The following SYT9 variants were observed in gnomAD, a reference collection of about 807,000 sequenced individuals.
The protein encoded by SYT9 is synaptotagmin 9.
In SYT9, 22 loss-of-function variants were observed where a neutral mutation model predicts 48.4. The ratio of observed to expected loss-of-function variants is 0.45; its 90% CI spans 0.32 to 0.65. SYT9 has a LOEUF of 0.65. SYT9 is among the 30% of genes least tolerant of loss of function. SYT9 has a pLI of 0.03. For synonymous variants in SYT9, 265 were observed against 245.0 expected (o/e 1.08, Z -0.76); for missense variants, 577 against 622.0 (o/e 0.93, Z 0.77).
At chr11:7,275,315 C>A (rs1241342291) in intron 1 of SYT9, among the ~76,000 whole-genome samples, 1 of 152,166 alleles carries the variant, frequency 6.6e-6, no homozygotes, top group African/African-American at 2.4e-5. Context: ...CCACCTTAGT[C>A]CAATTCCCAC....
chr11:7,332,927 G>A (rs1029063017), intron 3 of SYT9, among the ~76,000 whole-genome samples: 1 of 152,180 alleles, frequency 6.6e-6, no homozygotes, highest in Non-Finnish European at 1.5e-5. Flanking sequence ...ACATTTAATG[G>A]TCTTCTACCT....
chr11:7,256,335 C>T (rs1450763213), intron 1 of SYT9, among the ~76,000 whole-genome samples: 2 of 152,156 alleles, frequency 1.3e-5, no homozygotes, highest in African/African-American at 2.4e-5. Context: ...AATTGGAGAT[C>T]TCAGTTATGT....
At chr11:7,466,766 TA>T in intron 6 of SYT9, 25 bp from the exon 7 acceptor site, 3 of 1,608,154 alleles carry the variant, frequency 1.9e-6, no homozygotes, top group Non-Finnish European at 2.5e-6. Context: ...AAAGCCAAAT[TA>T]TTTTTTTGTT....
At position 7,303,185 on chromosome 11, in the gene SYT9, C is replaced by G; in HGVS notation, c.292C>G (p.Pro98Ala). Residue 98 changes from proline to alanine, a missense_variant, in exon 2 of 7, where the codon CCC becomes GCC. Pro to Ala is a conservative substitution (Grantham distance 27). Transcript: ENST00000318881. ...TGGTAGCAAAGACAACAACCAGGAG[C>G]CCCTTAACTACATGGACACAGAGAC... ...PSGSKDNNQE[P>A]LNYMDTETNE... 6.2e-7 allele frequency: 1 copy of G among 1,614,140 alleles called. No homozygotes were observed. The highest frequency in any genetic ancestry group is 1.6e-4 in the Middle Eastern group (1 of 6,062).
chr11:7,402,689 T>G (rs1376805758), intron 3 of SYT9, among the ~76,000 whole-genome samples: 1 of 152,192 alleles, frequency 6.6e-6, no homozygotes, highest in Non-Finnish European at 1.5e-5. Context: ...AATTTGTTTT[T>G]TATCCTTTAA....
At chr11:7,307,077 G>T (rs542426736) in intron 2 of SYT9, among the ~76,000 whole-genome samples, 2 of 152,322 alleles carry the variant, frequency 1.3e-5, no homozygotes, top group East Asian at 1.9e-4. Flanking sequence ...AAGGCCATTT[G>T]TCCCAGGTCT....
chr11:7,285,561 A>C (rs1198508165), intron 1 of SYT9, among the ~76,000 whole-genome samples: 1 of 151,894 alleles, frequency 6.6e-6, no homozygotes, highest in Admixed American at 6.5e-5. Flanking sequence ...GCCCCTCCCA[A>C]ATCTCATGGC....
chr11:7,254,453 A>C (rs924282722), intron 1 of SYT9, among the ~76,000 whole-genome samples: 4 of 152,138 alleles, frequency 2.6e-5, no homozygotes, highest in Admixed American at 6.5e-5. Context: ...CCTTGCCGAC[A>C]TTAATTCTTA....
intron 3 of SYT9, among the ~76,000 whole-genome samples, chr11:7,354,515 G>A (rs1056982812): frequency 1.3e-5 from 2 of 152,132 alleles, no homozygotes; most frequent in Non-Finnish European, 2.9e-5. Flanking sequence ...TGCTGCACCA[G>A]GGCTTTTCCT....
chr11:7,420,412 C>A (rs1213022415), intron 5 of SYT9, 94 bp from the exon 6 acceptor site: 10 of 1,478,358 alleles, frequency 6.8e-6, no homozygotes, highest in South Asian at 1.3e-5. Context: ...AAACAAAAAA[C>A]CACATCCCCA....
At chr11:7,370,835 A>C (rs1477586321) in intron 3 of SYT9, among the ~76,000 whole-genome samples, 1 of 152,182 alleles carries the variant, frequency 6.6e-6, no homozygotes, top group Non-Finnish European at 1.5e-5. Context: ...ATTGTGAATG[A>C]AAGGAAATGT....
intron 3 of SYT9, among the ~76,000 whole-genome samples, chr11:7,368,522 C>A (rs978630418): frequency 6.6e-6 from 1 of 152,116 alleles, no homozygotes; most frequent in Non-Finnish European, 1.5e-5. Flanking sequence ...CCCTTGCCCC[C>A]ATCCCCTGAC....
In SYT9 at chr11:7,347,505, G is replaced by A. The variant is rs139245779; in HGVS notation, c.1044+33564G>A. On this transcript the variant is annotated intron_variant, in intron 3 of 6. Transcript: ENST00000318881. ...CCACCTCAGCCTCCCAAAGTGCTGGGATTAGAGATGTGAGCCACTGCGCCC... is the reference window on the plus strand; with the variant it reads ...CCACCTCAGCCTCCCAAAGTGCTGGAATTAGAGATGTGAGCCACTGCGCCC... Among the ~76,000 whole-genome samples, 821 of 152,278 alleles carry A rather than the reference G, an allele frequency of 5.4e-3. 7 individuals are homozygous for A. Among genetic ancestry groups the A allele is most frequent in the South Asian group, 0.03 (147 of 4,820 alleles).
At chr11:7,251,177 G>A (rs112060157), upstream of SYT9, among the ~76,000 whole-genome samples, 1 of 151,520 alleles carries the variant, frequency 6.6e-6, no homozygotes, top group Non-Finnish European at 1.5e-5. Flanking sequence ...TGCTTGAAAG[G>A]CTGAAAAGAT....
chr11:7,419,071 G>A (rs564371037), intron 5 of SYT9, among the ~76,000 whole-genome samples: 3 of 152,322 alleles, frequency 2.0e-5, no homozygotes, highest in East Asian at 1.9e-4. Flanking sequence ...ACGTGGGTTG[G>A]CTCAGCTGCC....
intron 3 of SYT9, among the ~76,000 whole-genome samples, chr11:7,378,979 A>C (rs1850506201): frequency 6.6e-6 from 1 of 152,212 alleles, no homozygotes; most frequent in African/African-American, 2.4e-5. Flanking sequence ...ACTCAGTTCT[A>C]AGGATGCTTT....
intron 3 of SYT9, among the ~76,000 whole-genome samples, chr11:7,342,999 G>C (rs1195192197): frequency 1.3e-5 from 2 of 152,186 alleles, no homozygotes; most frequent in Non-Finnish European, 2.9e-5. Context: ...ACCCCTTTTA[G>C]CCATGGCTAG....
At chr11:7,276,252 C>T (rs1309314373) in intron 1 of SYT9, among the ~76,000 whole-genome samples, 1 of 152,174 alleles carries the variant, frequency 6.6e-6, no homozygotes, top group African/African-American at 2.4e-5. Flanking sequence ...AATAATTTCT[C>T]AGATCTGTCT....
chr11:7,428,428 C>T (rs1228521357), intron 6 of SYT9, among the ~76,000 whole-genome samples: 1 of 152,180 alleles, frequency 6.6e-6, no homozygotes, highest in East Asian at 1.9e-4. Flanking sequence ...CCAGTTCTTT[C>T]CCCGCAGATG....
Sources: allele counts gnomAD v4.1 joint callset (sites outside exome capture counted in the v4.1 genomes callset), GRCh38; gene constraint gnomAD v4.1.1; transcripts MANE v1.5; gene names NCBI Gene and HGNC (gene_info 2026-07-23, HGNC 2026-07-21).